Variants in KDM1B observed in about 807,000 individuals in gnomAD.
KDM1B encodes the protein lysine demethylase 1B.
KDM1B carries 63 observed loss-of-function variants against 107.4 expected under a neutral mutation model. That is an observed-to-expected ratio of 0.59 (90% confidence interval 0.48 to 0.72). The LOEUF is 0.72. Ranked by LOEUF, KDM1B falls within the 30% of genes least tolerant of loss-of-function variation. The pLI is 0.00. For synonymous variants in KDM1B, 363 were observed against 363.9 expected (o/e 1.00, Z 0.03); for missense variants, 749 against 1,020.8 (o/e 0.73, Z 3.63).
At chr6:18,164,033 A>G (rs1785133240) in intron 5 of KDM1B, among the ~76,000 whole-genome samples, 1 of 152,182 alleles carries the variant, frequency 6.6e-6, no homozygotes, top group African/African-American at 2.4e-5. Context: ...TACTAAGAAA[A>G]GTGTCTTAAA....
intron 4 of KDM1B, 71 bp downstream of exon 4, chr6:18,161,525 G>C (rs746160859): frequency 4.6e-6 from 7 of 1,537,500 alleles, no homozygotes; most frequent in Non-Finnish European, 6.2e-6. Flanking sequence ...CATCATCCTT[G>C]TAGATAGTTT....
intron 7 of KDM1B, among the ~76,000 whole-genome samples, chr6:18,177,296 G>A (rs1221753870): frequency 6.6e-6 from 1 of 151,848 alleles, no homozygotes; most frequent in African/African-American, 2.4e-5. Context: ...GTATTTCAGT[G>A]GTGTCAGTTG....
chr6:18,197,590 T>C lies in KDM1B; in HGVS notation c.1150T>C (p.Ser384Pro), dbSNP rs138145635. 8,370 of 1,613,080 alleles carry C rather than the reference T, an allele frequency of 5.2e-3. 32 individuals are homozygous for C. The highest frequency in any genetic ancestry group is 6.6e-3 in the Non-Finnish European group (7,828 of 1,179,078). ...TTTTGTTTCTTTTCTTTTTAAGAAA[T>C]CAGTCATCATTATCGGGGCTGGTCC... is the stretch of plus-strand genomic sequence containing the variant. ...YLLPKDYHNKSVIIIGAGPAG... is the reference protein window; with the variant it reads ...YLLPKDYHNKPVIIIGAGPAG... Residue 384 changes from serine (S) to proline (P), a missense_variant, in exon 12 of 22, where the codon TCA (serine) becomes CCA (proline). By Grantham distance (74) the Ser-to-Pro change is moderately conservative. Transcript: ENST00000650836. The surrounding 1 kb of genome is among the most constrained non-coding windows in gnomAD (Gnocchi z 4.5).
chr6:18,198,069 G>A (rs1011400380), intron 12 of KDM1B, among the ~76,000 whole-genome samples: 5 of 151,666 alleles, frequency 3.3e-5, no homozygotes, highest in African/African-American at 4.8e-5. Context: ...GCGAATTTTT[G>A]TATTTTTAGT....
At position 18,209,169 on chromosome 6, in the gene KDM1B, C is replaced by A. The variant is rs1788636097; in HGVS notation, c.1866+963C>A. 6.6e-6 allele frequency among the ~76,000 whole-genome samples: 1 copy of A among 152,098 alleles called. No individual in the cohort carries two copies. Among genetic ancestry groups the A allele is most frequent in the Non-Finnish European group, 1.5e-5 (1 of 68,026 alleles). On this transcript the variant is annotated intron_variant, in intron 17 of 21. Transcript: ENST00000650836. This position sits in a 1 kb window ranked among gnomAD's most constrained non-coding sequence, Gnocchi z 4.3. ...TATAGTAGGTGAACAGTACAAGGTA[C>A]TGCTGAATCAAATACCTGAAATCAC...
intron 7 of KDM1B, among the ~76,000 whole-genome samples, 192 bp from the exon 8 acceptor site, chr6:18,185,580 C>A (rs1322694002): frequency 6.6e-6 from 1 of 152,174 alleles, no homozygotes; most frequent in Admixed American, 6.5e-5. Flanking sequence ...GCTCAACCTC[C>A]CGAAGTGCTG....
chr6:18,171,773 C>T (rs1427165630), intron 7 of KDM1B, among the ~76,000 whole-genome samples: 2 of 152,140 alleles, frequency 1.3e-5, no homozygotes, highest in South Asian at 4.1e-4. Context: ...CTAACTTCAT[C>T]CTGAAGGCCA....
chr6:18,180,948 C>A (rs1301736088), intron 7 of KDM1B, among the ~76,000 whole-genome samples: 1 of 152,210 alleles, frequency 6.6e-6, no homozygotes, highest in East Asian at 1.9e-4. Flanking sequence ...CTCTCTTTTA[C>A]TTGCTGACAA....
At chr6:18,180,816 T>C (rs1786415021) in intron 7 of KDM1B, among the ~76,000 whole-genome samples, 1 of 152,228 alleles carries the variant, frequency 6.6e-6, no homozygotes, top group Non-Finnish European at 1.5e-5. Context: ...TCCACCTGTC[T>C]TGGCCTCTCA....
intron 7 of KDM1B, among the ~76,000 whole-genome samples, chr6:18,177,223 T>C (rs1786079340): frequency 6.6e-6 from 1 of 152,204 alleles, no homozygotes. Flanking sequence ...AATTTGTCCA[T>C]GTCTTCTAGG....
chr6:18,220,154 TGAA>T (rs1204767551), intron 21 of KDM1B, among the ~76,000 whole-genome samples: 1 of 152,224 alleles, frequency 6.6e-6, no homozygotes, highest in African/African-American at 2.4e-5. Flanking sequence ...AAACTTAAAA[TGAA>T]TTGTTACCAC....
Position 18,159,804 on chromosome 6 carries a change from A to T in KDM1B, c.-13-79A>T. 1.4e-6 allele frequency: 1 copy of T among 720,920 alleles called. No homozygotes were observed. The highest frequency in any genetic ancestry group is 1.7e-5 in the South Asian group (1 of 59,004). The allele number at this position is 720,920 out of a possible 1,614,324, so 44.7% of individuals were successfully genotyped here. ...ATCTGACATACATTCTTACCTACCA[A>T]AGTGTATAATAACTTGCTCCAGACT... is the stretch of plus-strand genomic sequence containing the variant. On this transcript the variant is annotated intron_variant, in intron 2 of 21. Transcript: ENST00000650836. This position sits in a 1 kb window ranked among gnomAD's most constrained non-coding sequence, Gnocchi z 4.5.
Position 18,222,263 on chromosome 6 carries a change from G to A in KDM1B, c.*271G>A. On this transcript the variant is annotated 3_prime_UTR_variant, in exon 22 of 22. Transcript: ENST00000650836. Reference sequence around the variant, plus strand: ...AGAATAAAGCAGAATGTAAGTTTCAGTTGAGGCCATGGATTTGATTGTTCC... The same window carrying A: ...AGAATAAAGCAGAATGTAAGTTTCAATTGAGGCCATGGATTTGATTGTTCC... 1.8e-6 allele frequency: 1 copy of A among 544,652 alleles called. No homozygotes were observed. Among genetic ancestry groups the A allele is most frequent in the South Asian group, 1.6e-5 (1 of 61,730 alleles). The allele number at this position is 544,652 out of a possible 1,614,324, so 33.7% of individuals were successfully genotyped here.
intron 7 of KDM1B, among the ~76,000 whole-genome samples, chr6:18,180,056 T>C (rs1786352598): frequency 6.8e-6 from 1 of 148,112 alleles, no homozygotes; most frequent in African/African-American, 2.5e-5. Flanking sequence ...TTTTTTTTAA[T>C]AGAGACGGGG....
intron 12 of KDM1B, among the ~76,000 whole-genome samples, chr6:18,198,055 C>A (rs542611673): frequency 6.6e-6 from 1 of 151,688 alleles, no homozygotes; most frequent in African/African-American, 2.4e-5. Flanking sequence ...TGCCATCATG[C>A]CCAGCGAATT....
At chr6:18,185,993 G>A (rs1468041624) in intron 8 of KDM1B, among the ~76,000 whole-genome samples, 183 bp downstream of exon 8, 2 of 152,156 alleles carry the variant, frequency 1.3e-5, no homozygotes, top group Non-Finnish European at 2.9e-5. Context: ...GGGTAGTCCT[G>A]TCCCCAACTT....
intron 21 of KDM1B, among the ~76,000 whole-genome samples, chr6:18,219,711 T>TA (rs1789530967): frequency 6.6e-6 from 1 of 152,176 alleles, no homozygotes; most frequent in South Asian, 2.1e-4. Context: ...ACCGTTGACT[T>TA]AGATTCGAGC....
chr6:18,206,819 A>G (rs1247621217), intron 15 of KDM1B, among the ~76,000 whole-genome samples: 2 of 152,146 alleles, frequency 1.3e-5, no homozygotes, highest in Non-Finnish European at 2.9e-5. Context: ...CGAGAAGCCA[A>G]AATAGAGTAT....
rs1787696029 is a variant in KDM1B, at chr6:18,197,037, G to C, written c.970-20G>C. The C allele has an allele frequency of 6.3e-7, 1 of 1,575,988 alleles. No individual in the cohort carries two copies. The highest frequency in any genetic ancestry group is 1.4e-5 in the African/African-American group (1 of 73,722). On this transcript the variant is annotated intron_variant, in intron 10 of 21. Transcript: ENST00000650836. This position sits in a 1 kb window ranked among gnomAD's most constrained non-coding sequence, Gnocchi z 4.5. Reference sequence around the variant, plus strand: ...TGGGACTTTTTTAAAAAAGCAGTTTGGTTTTATTTCCAAACACAGGAAGCT... The same window carrying C: ...TGGGACTTTTTTAAAAAAGCAGTTTCGTTTTATTTCCAAACACAGGAAGCT...
Sources: allele counts gnomAD v4.1 joint callset (sites outside exome capture counted in the v4.1 genomes callset), GRCh38; gene constraint gnomAD v4.1.1; non-coding constraint Gnocchi (gnomAD v3.1); transcripts MANE v1.5; gene names NCBI Gene and HGNC (gene_info 2026-07-23, HGNC 2026-07-21).